The following PPP2R3C variants were observed in gnomAD, a reference collection of about 807,000 sequenced individuals.
PPP2R3C encodes protein phosphatase 2 regulatory subunit B''gamma, also known as serine/threonine-protein phosphatase 2A regulatory subunit B'' subunit gamma.
PPP2R3C carries 47 observed loss-of-function variants against 63.7 expected under a neutral mutation model. The observed-to-expected ratio is 0.74, with a 90% CI of 0.58 to 0.94. PPP2R3C has a LOEUF of 0.94. Among genes scored for constraint, PPP2R3C ranks in the 40% least tolerant of loss-of-function variants. The pLI, the probability that PPP2R3C is intolerant of heterozygous loss-of-function variation, is 0.00. For missense variants in PPP2R3C, 421 were observed against 518.4 expected (o/e 0.81, Z 1.82); for synonymous variants, 180 against 177.4 (o/e 1.01, Z -0.12).
chr14:35,094,932 C>A, intron 10 of PPP2R3C, 116 bp downstream of exon 10: 1 of 1,131,794 alleles, frequency 8.8e-7, no homozygotes, highest in Admixed American at 2.6e-5. Context: ...CTAGCCTAGG[C>A]GACAGAGCAA....
Position 35,099,387 on chromosome 14 carries a change from GAAAAT to G in PPP2R3C, c.574-8_574-4del, listed in dbSNP as rs1319838620. On this transcript the variant is annotated splice_polypyrimidine_tract_variant and splice_region_variant and intron_variant, in intron 6 of 12. Coordinates refer to ENST00000261475, the MANE Select transcript of PPP2R3C (RefSeq NM_017917.4). ...TCCAATATGTAGTTTTCTAAATCCT[GAAAAT>G]AAAACAAAATAAAGTGTTAAATGTC... 6.3e-7 allele frequency: 1 copy of G among 1,588,378 alleles called. No individual in the cohort carries two copies. Among genetic ancestry groups the G allele is most frequent in the Non-Finnish European group, 8.5e-7 (1 of 1,174,296 alleles).
Position 35,109,867 on chromosome 14 carries a change from T to C in PPP2R3C, c.356A>G (p.Asn119Ser), listed in dbSNP as rs747698529. Residue 119 changes from asparagine (N) to serine (S), a missense_variant, in exon 4 of 13, where the codon AAT (asparagine) becomes AGT (serine). By Grantham distance (46) the Asn-to-Ser change is conservative (BLOSUM62 1). This residue lies in a region of PPP2R3C where 143 missense variants were observed against 151.2 expected (regional missense o/e 0.95). Coordinates refer to ENST00000261475, the MANE Select transcript of PPP2R3C (RefSeq NM_017917.4). ...ACCAACCTTCAAAAAGTTTTCGTAA[T>C]TGATCATCGCTTCCTCTCCAATCAT... is the stretch of plus-strand genomic sequence containing the variant. ...PPMIGEEAMI[N>S]YENFLKVGEK... 4 of 1,612,146 alleles carry C rather than the reference T, an allele frequency of 2.5e-6. No homozygotes were observed. Among genetic ancestry groups the C allele is most frequent in the Non-Finnish European group, 2.5e-6 (3 of 1,178,342 alleles).
intron 2 of PPP2R3C, among the ~76,000 whole-genome samples, chr14:35,113,548 G>T (rs1291754879): frequency 6.6e-6 from 1 of 152,126 alleles, no homozygotes; most frequent in African/African-American, 2.4e-5. Context: ...GACAGAGTAG[G>T]AATGGGGGCT....
intron 1 of PPP2R3C, among the ~76,000 whole-genome samples, chr14:35,119,863 T>TG (rs2046813625): frequency 6.7e-6 from 1 of 149,640 alleles, no homozygotes; most frequent in Admixed American, 6.6e-5. Context: ...TTTTTTTTTT[T>TG]TTTTTGAGAC....
At chr14:35,094,924 A>C in intron 10 of PPP2R3C, 124 bp downstream of exon 10, 11 of 1,005,490 alleles carry the variant, frequency 1.1e-5, no homozygotes, top group Non-Finnish European at 1.6e-5. Context: ...ACTGCACTCT[A>C]GCCTAGGCGA....
chr14:35,116,806 A>G, intron 1 of PPP2R3C, 69 bp from the exon 2 acceptor site: 1 of 1,204,840 alleles, frequency 8.3e-7, no homozygotes, highest in African/African-American at 1.6e-5. Flanking sequence ...GTCATCCTAT[A>G]TATTATATTA....
chr14:35,105,383 A>C (rs1007529928), intron 6 of PPP2R3C, among the ~76,000 whole-genome samples: 144 of 151,984 alleles, frequency 9.5e-4, no homozygotes, highest in African/African-American at 3.3e-3. Context: ...GGGTTTCTCC[A>C]TGTTGGTCAG....
At chr14:35,108,366 C>A in intron 4 of PPP2R3C, 130 bp from the exon 5 acceptor site, 7 of 1,137,902 alleles carry the variant, frequency 6.2e-6, no homozygotes, top group South Asian at 4.4e-5. Context: ...CCTTATAATT[C>A]AAAAACTTAA....
intron 5 of PPP2R3C, 154 bp from the exon 6 acceptor site, chr14:35,107,528 T>C: frequency 3.2e-6 from 2 of 619,104 alleles, no homozygotes; most frequent in Non-Finnish European, 5.8e-6. Flanking sequence ...AACCATAGAA[T>C]GGAAGAGTTC....
Position 35,110,507 on chromosome 14 carries a change from T to C in PPP2R3C, c.291+18A>G. On this transcript the variant is annotated intron_variant, in intron 3 of 12. Coordinates refer to ENST00000261475, the MANE Select transcript of PPP2R3C (RefSeq NM_017917.4). ...AGAAATGGTTAACATCTAAAGCAACTTTTTGCTTTGTTCTTACCTGTAATT... is the reference window on the plus strand; with the variant it reads ...AGAAATGGTTAACATCTAAAGCAACCTTTTGCTTTGTTCTTACCTGTAATT... 6.6e-7 allele frequency: 1 copy of C among 1,518,432 alleles called. No individual in the cohort carries two copies. Among genetic ancestry groups the C allele is most frequent in the Non-Finnish European group, 9.0e-7 (1 of 1,105,612 alleles). The allele number at this position is 1,518,432 out of a possible 1,614,324, so 94.1% of individuals were successfully genotyped here. A position where few individuals can be genotyped will look rare whatever the true frequency, so the allele number is the denominator to read the frequency against.
At chr14:35,101,944 T>G (rs1055817501) in intron 6 of PPP2R3C, 1 of 152,136 alleles carries the variant, frequency 6.6e-6, no homozygotes, top group East Asian at 1.9e-4. Flanking sequence ...TATTGTTTTC[T>G]AGACTTCTGG....
intron 2 of PPP2R3C, among the ~76,000 whole-genome samples, chr14:35,113,498 C>T (rs949779661): frequency 6.6e-5 from 10 of 152,050 alleles, no homozygotes; most frequent in Non-Finnish European, 1.2e-4. Flanking sequence ...GGCTCAGGAA[C>T]GGGGTCACAC....
intron 8 of PPP2R3C, 25 bp downstream of exon 8, chr14:35,096,684 A>G (rs1013673319): frequency 5.6e-6 from 9 of 1,606,486 alleles, no homozygotes; most frequent in East Asian, 2.2e-5. Flanking sequence ...CAAGTGATAC[A>G]ATTAAGTAGT....
chr14:35,110,855 C>T, intron 2 of PPP2R3C: 1 of 448,520 alleles, frequency 2.2e-6, no homozygotes, highest in East Asian at 4.1e-5. Context: ...TAGTCTAGAC[C>T]AAGTTTCATT....
Position 35,092,301 on chromosome 14 carries a change from C to T in PPP2R3C, c.976-1094G>A, listed in dbSNP as rs146888980. On this transcript the variant is annotated intron_variant, in intron 10 of 12. Transcript: ENST00000261475. ...CCCATGCTAGTCTCAAACTCCTGGG[C>T]TCAAGCAATCATCTGGCCTCGGCCT... Among the ~76,000 whole-genome samples the T allele has an allele frequency of 2.6e-3, 389 of 152,216 alleles. 5 individuals carry two copies. The highest frequency in any genetic ancestry group is 8.8e-3 in the African/African-American group (366 of 41,526).
chr14:35,116,538 A>T, intron 2 of PPP2R3C, 72 bp downstream of exon 2: 2 of 1,286,570 alleles, frequency 1.6e-6, no homozygotes, highest in Non-Finnish European at 1.0e-6. Flanking sequence ...TACAGGTATG[A>T]GCCACCCTGC....
chr14:35,119,734 C>G (rs2046808749), intron 1 of PPP2R3C, among the ~76,000 whole-genome samples: 1 of 151,168 alleles, frequency 6.6e-6, no homozygotes, highest in Admixed American at 6.6e-5. Context: ...GAAGGAAAAT[C>G]TGATGATGTA....
At chr14:35,121,813 C>CT in intron 1 of PPP2R3C, 89 bp downstream of exon 1, 1 of 1,410,812 alleles carries the variant, frequency 7.1e-7, no homozygotes, top group East Asian at 2.3e-5. Context: ...GAAAAGGCGG[C>CT]TCCCCCTTGC....
intron 4 of PPP2R3C, among the ~76,000 whole-genome samples, chr14:35,108,517 C>T (rs1271248545): frequency 1.3e-5 from 2 of 151,806 alleles, no homozygotes; most frequent in African/African-American, 4.8e-5. Flanking sequence ...TTTTGGCCAA[C>T]ATGGTGAAAC....
Sources: allele counts gnomAD v4.1 joint callset (sites outside exome capture counted in the v4.1 genomes callset), GRCh38; gene constraint gnomAD v4.1.1; regional missense constraint gnomAD v4.1.1; transcripts MANE v1.5; gene names NCBI Gene and HGNC (gene_info 2026-07-23, HGNC 2026-07-21).